Variants in UST observed in about 807,000 individuals in gnomAD.
UST encodes the protein chondroitin sulfate 2-O-sulfotransferase.
UST carries 21 observed loss-of-function variants against 45.6 expected under a neutral mutation model. The ratio of observed to expected loss-of-function variants is 0.46; its 90% CI spans 0.33 to 0.66. UST has a LOEUF of 0.66. Among genes scored for constraint, UST ranks in the 30% least tolerant of loss-of-function variants. UST has a pLI of 0.02. For synonymous variants in UST, 215 were observed against 200.6 expected, an observed-to-expected ratio of 1.07 and a Z score of -0.61; for missense variants, 463 against 512.4, an observed-to-expected ratio of 0.90 and a Z score of 0.93.
At chr6:148,896,517 A>G (rs1464471849) in intron 2 of UST, among the ~76,000 whole-genome samples, 1 of 152,264 alleles carries the variant, frequency 6.6e-6, no homozygotes, top group Non-Finnish European at 1.5e-5. Context: ...GTAAAAACCC[A>G]CATTGTCTGA....
intron 1 of UST, among the ~76,000 whole-genome samples, chr6:148,818,155 T>C (rs76439478): frequency 0.015 from 2,336 of 151,982 alleles, 58 homozygotes; most frequent in African/African-American, 0.054. Flanking sequence ...TAGCCACATA[T>C]GATAAAATGA....
intron 1 of UST, among the ~76,000 whole-genome samples, chr6:148,781,602 AAAC>A (rs1380253992): frequency 2.8e-5 from 2 of 72,276 alleles, no homozygotes; most frequent in African/African-American, 5.3e-5. Flanking sequence ...CAGCTACACT[AAAC>A]AACAGATTTT....
chr6:148,778,866 G>A (rs78160635), intron 1 of UST, among the ~76,000 whole-genome samples: 15,963 of 152,148 alleles, frequency 0.1, 954 homozygotes, highest in Non-Finnish European at 0.13. Context: ...GACGACCAAG[G>A]CCCACCCCCC....
intron 1 of UST, among the ~76,000 whole-genome samples, chr6:148,764,526 T>G (rs529410662): frequency 2.0e-4 from 30 of 152,286 alleles, no homozygotes; most frequent in Admixed American, 3.9e-4. Flanking sequence ...TAATTCAACG[T>G]GGGTTCTTTT....
intron 1 of UST, among the ~76,000 whole-genome samples, chr6:148,846,552 C>T (rs1158847262): frequency 3.3e-5 from 5 of 151,918 alleles, no homozygotes; most frequent in Non-Finnish European, 5.9e-5. Flanking sequence ...ACATATGTAA[C>T]TAACCTGCAC....
At chr6:148,804,381 G>A (rs1413985522) in intron 1 of UST, among the ~76,000 whole-genome samples, 1 of 152,050 alleles carries the variant, frequency 6.6e-6, no homozygotes, top group Non-Finnish European at 1.5e-5. Context: ...TGTCTGCACT[G>A]TGTGTGTGTG....
At chr6:148,932,573 A>G (rs757999292) in intron 2 of UST, among the ~76,000 whole-genome samples, 4 of 152,150 alleles carry the variant, frequency 2.6e-5, no homozygotes, top group African/African-American at 4.8e-5. Flanking sequence ...CTTTTGGTCT[A>G]TGGCATTGAT....
intron 2 of UST, among the ~76,000 whole-genome samples, chr6:148,911,061 C>T (rs1385748120): frequency 5.9e-5 from 9 of 152,150 alleles, no homozygotes; most frequent in African/African-American, 2.2e-4. Context: ...CTGGCCCTGA[C>T]CCCTCCAGGG....
chr6:148,757,566 A>G (rs760503993), intron 1 of UST, among the ~76,000 whole-genome samples: 1 of 152,184 alleles, frequency 6.6e-6, no homozygotes, highest in Non-Finnish European at 1.5e-5. Flanking sequence ...CCACCAACCC[A>G]TTTACACTTG....
At chr6:148,752,954 A>G in intron 1 of UST, among the ~76,000 whole-genome samples, 1 of 152,206 alleles carries the variant, frequency 6.6e-6, no homozygotes, top group East Asian at 1.9e-4. Context: ...TTTGTATTAC[A>G]TAGAAACTCG....
At position 148,763,116 on chromosome 6, in the gene UST, A is replaced by T. The variant is rs188204025; in HGVS notation, c.247+15439A>T. 2.1e-3 allele frequency among the ~76,000 whole-genome samples: 326 copies of T among 152,296 alleles called. 1 individual carries two copies. Among genetic ancestry groups the T allele is most frequent in the Non-Finnish European group, 3.2e-3 (221 of 68,016 alleles). Reference sequence around the variant, plus strand: ...AGAGGTTGTACTAATTTACATTCCCACTAACAGTGTGTACATGTTCCCATT... The same window carrying T: ...AGAGGTTGTACTAATTTACATTCCCTCTAACAGTGTGTACATGTTCCCATT... On this transcript the variant is annotated intron_variant, in intron 1 of 7. Transcript: ENST00000367463.
chr6:148,954,046 C>T, intron 4 of UST, 95 bp downstream of exon 4: 1 of 884,086 alleles, frequency 1.1e-6, no homozygotes, highest in Non-Finnish European at 1.7e-6. Flanking sequence ...TGCAATTGCC[C>T]TTGAAAAGAC....
At chr6:148,819,773 CAT>C (rs1394805488) in intron 1 of UST, among the ~76,000 whole-genome samples, 3 of 152,110 alleles carry the variant, frequency 2.0e-5, no homozygotes, top group Non-Finnish European at 4.4e-5. Flanking sequence ...TTGTACCAAA[CAT>C]AATGTAGCCT....
At chr6:148,764,510 C>G (rs1036444534) in intron 1 of UST, among the ~76,000 whole-genome samples, 3 of 152,088 alleles carry the variant, frequency 2.0e-5, no homozygotes, top group South Asian at 2.1e-4. Flanking sequence ...GGGAACCCAC[C>G]CCCGATAATT....
intron 2 of UST, among the ~76,000 whole-genome samples, chr6:148,939,064 T>C (rs1455050493): frequency 2.6e-5 from 4 of 152,118 alleles, no homozygotes; most frequent in Non-Finnish European, 1.5e-5. Context: ...AAATCAATCG[T>C]ATTTTTACCA....
chr6:148,770,482 A>C (rs1776403830), intron 1 of UST, among the ~76,000 whole-genome samples: 1 of 151,968 alleles, frequency 6.6e-6, no homozygotes, highest in Admixed American at 6.6e-5. Context: ...AGGCGCCTAC[A>C]GTAAAAGGAA....
At chr6:148,886,947 T>TA in intron 1 of UST, 39 bp from the exon 2 acceptor site, 4 of 1,579,884 alleles carry the variant, frequency 2.5e-6, no homozygotes, top group Non-Finnish European at 3.5e-6. Context: ...ATTTGGGATT[T>TA]AAAAAACGGA....
chr6:148,798,044 C>T (rs892055376), intron 1 of UST, among the ~76,000 whole-genome samples: 8 of 152,180 alleles, frequency 5.3e-5, no homozygotes, highest in South Asian at 2.1e-4. Flanking sequence ...AGTGTTCACC[C>T]GGAAGCCAGT....
At chr6:148,761,226 C>T (rs1194077881) in intron 1 of UST, among the ~76,000 whole-genome samples, 1 of 152,154 alleles carries the variant, frequency 6.6e-6, no homozygotes, top group Admixed American at 6.5e-5. Flanking sequence ...TGATGGGTCC[C>T]CTGAGACGCC....
Sources: gnomAD v4.1 joint callset for allele counts (sites outside exome capture counted in the v4.1 genomes callset) on GRCh38, gnomAD v4.1.1 for gene constraint, MANE v1.5 for transcripts, NCBI Gene and HGNC (gene_info 2026-07-23, HGNC 2026-07-21) for gene names.